RGS9: variants seen among roughly 807,000 people sequenced by gnomAD.
RGS9 encodes the protein regulator of G-protein signalling 9.
In RGS9, 78 loss-of-function variants were observed where a neutral mutation model predicts 102.0. That is an observed-to-expected ratio of 0.76 (90% CI 0.64 to 0.92). The LOEUF (loss-of-function observed/expected upper bound fraction) is 0.92, where lower values mean the gene tolerates loss of function less well. RGS9 is among the 40% of genes least tolerant of loss of function. RGS9 has a pLI of 0.00. For synonymous variants in RGS9, 353 were observed against 318.6 expected, an observed-to-expected ratio of 1.11 and a Z score of -1.15; for missense variants, 833 against 866.1, an observed-to-expected ratio of 0.96 and a Z score of 0.48.
chr17:65,217,914 G>T (rs953736157), intron 17 of RGS9, among the ~76,000 whole-genome samples: 1 of 152,174 alleles, frequency 6.6e-6, no homozygotes, highest in African/African-American at 2.4e-5. Context: ...AATGATTAGG[G>T]AATATTTGAG....
chr17:65,160,791 G>A, intron 5 of RGS9, 60 bp from the exon 6 acceptor site: 4 of 1,559,866 alleles, frequency 2.6e-6, no homozygotes, highest in Non-Finnish European at 3.5e-6. Flanking sequence ...CAGGCTTAGG[G>A]AGGCTGCAGA....
At chr17:65,190,376 G>C in intron 11 of RGS9, 140 bp downstream of exon 11, 1 of 791,222 alleles carries the variant, frequency 1.3e-6, no homozygotes, top group Non-Finnish European at 2.3e-6. Flanking sequence ...TCTCTTGGGG[G>C]CTTAGTTCCT....
intron 3 of RGS9, 118 bp from the exon 4 acceptor site, chr17:65,160,115 A>T: frequency 1.2e-6 from 1 of 812,640 alleles, no homozygotes; most frequent in Non-Finnish European, 2.2e-6. Context: ...ACTGCTCATG[A>T]GATGCAGTGC....
intron 1 of RGS9, among the ~76,000 whole-genome samples, chr17:65,142,025 G>A (rs1416440261): frequency 6.6e-6 from 1 of 152,228 alleles, no homozygotes; most frequent in African/African-American, 2.4e-5. Flanking sequence ...GGGAGGCTGA[G>A]GTGGACGGAT....
intron 1 of RGS9, among the ~76,000 whole-genome samples, chr17:65,152,439 G>A (rs1204325804): frequency 6.6e-6 from 1 of 152,234 alleles, no homozygotes; most frequent in Non-Finnish European, 1.5e-5. Context: ...CCACGCAGAA[G>A]AGTGACATAT....
chr17:65,221,380 G>A (rs1269084565), intron 17 of RGS9, among the ~76,000 whole-genome samples: 1 of 152,188 alleles, frequency 6.6e-6, no homozygotes, highest in Non-Finnish European at 1.5e-5. Flanking sequence ...GATGATAGAA[G>A]TTTATCACAA....
intron 16 of RGS9, among the ~76,000 whole-genome samples, chr17:65,208,560 T>C (rs538009654): frequency 1.6e-4 from 25 of 152,270 alleles, no homozygotes; most frequent in East Asian, 5.8e-4. Flanking sequence ...GGTAGAGCCA[T>C]TGGGACAATG....
chr17:65,225,984 A>T (rs1300602404), intron 18 of RGS9, among the ~76,000 whole-genome samples: 1 of 152,052 alleles, frequency 6.6e-6, no homozygotes, highest in Non-Finnish European at 1.5e-5. Flanking sequence ...ACAGTCTCTT[A>T]GAGGGACTTT....
intron 18 of RGS9, among the ~76,000 whole-genome samples, chr17:65,226,397 G>A (rs1033237553): frequency 1.1e-4 from 17 of 152,134 alleles, no homozygotes; most frequent in African/African-American, 4.1e-4. Flanking sequence ...TGCCTGTGTC[G>A]CTTAGGGGGA....
intron 7 of RGS9, among the ~76,000 whole-genome samples, chr17:65,163,672 T>C (rs546340045): frequency 2.2e-4 from 33 of 152,208 alleles, no homozygotes; most frequent in African/African-American, 7.7e-4. Flanking sequence ...GAAATGGCAT[T>C]GAACCTGGGG....
At chr17:65,150,883 G>C (rs1313681051) in intron 1 of RGS9, among the ~76,000 whole-genome samples, 1 of 152,190 alleles carries the variant, frequency 6.6e-6, no homozygotes, top group Non-Finnish European at 1.5e-5. Context: ...CAGGGGGAGT[G>C]GACAGCTTTC....
chr17:65,176,682 C>T (rs562285850), intron 8 of RGS9, among the ~76,000 whole-genome samples: 1 of 152,210 alleles, frequency 6.6e-6, no homozygotes, highest in Non-Finnish European at 1.5e-5. Flanking sequence ...CATATGCCCA[C>T]TCACTCATCC....
intron 14 of RGS9, among the ~76,000 whole-genome samples, chr17:65,203,577 G>A (rs1003633363): frequency 4.6e-5 from 7 of 152,192 alleles, no homozygotes; most frequent in African/African-American, 1.7e-4. Context: ...TGGAAATACT[G>A]AGAGAGCTCT....
At chr17:65,225,825 G>C (rs1186862560) in intron 18 of RGS9, among the ~76,000 whole-genome samples, 1 of 152,202 alleles carries the variant, frequency 6.6e-6, no homozygotes, top group Non-Finnish European at 1.5e-5. Context: ...TAAAGAGCAG[G>C]AAAGATTGGT....
chr17:65,219,246 C>T (rs891470698), intron 17 of RGS9, among the ~76,000 whole-genome samples: 12 of 152,220 alleles, frequency 7.9e-5, no homozygotes, highest in African/African-American at 2.9e-4. Flanking sequence ...TCAGTGTATG[C>T]CAGTGCTCTG....
chr17:65,219,183 T>C (rs1322165673), intron 17 of RGS9, among the ~76,000 whole-genome samples: 1 of 152,174 alleles, frequency 6.6e-6, no homozygotes, highest in East Asian at 1.9e-4. Flanking sequence ...TTCACCATGA[T>C]CTCAACTCCA....
chr17:65,177,051 GT>G (rs1911658505), intron 8 of RGS9, among the ~76,000 whole-genome samples: 2 of 108,496 alleles, frequency 1.8e-5, no homozygotes. Flanking sequence ...CCATTCATTT[GT>G]TTGTCCATCC....
chr17:65,142,273 A>C (rs564185293), intron 1 of RGS9, among the ~76,000 whole-genome samples: 5 of 152,252 alleles, frequency 3.3e-5, no homozygotes, highest in East Asian at 1.9e-4. Flanking sequence ...AAAACCAAAA[A>C]CAAACAAACA....
At chr17:65,146,424 C>A (rs1302868092) in intron 1 of RGS9, among the ~76,000 whole-genome samples, 1 of 151,596 alleles carries the variant, frequency 6.6e-6, no homozygotes, top group Admixed American at 6.6e-5. Context: ...CCCGTCTCTA[C>A]TAAAAATACA....
Sources: gnomAD v4.1 joint callset for allele counts (sites outside exome capture counted in the v4.1 genomes callset) on GRCh38, gnomAD v4.1.1 for gene constraint, MANE v1.5 for transcripts, NCBI Gene and HGNC (gene_info 2026-07-23, HGNC 2026-07-21) for gene names.